The following STIM2 variants were observed in gnomAD, a reference collection of about 807,000 sequenced individuals.
STIM2 encodes the protein stromal interaction molecule 2.
Under a neutral mutation model 85.8 loss-of-function variants are expected in STIM2, and 31 were observed. The ratio of observed to expected loss-of-function variants is 0.36; its 90% confidence interval spans 0.27 to 0.49. STIM2 has a LOEUF of 0.49. STIM2 is among the 20% of genes least tolerant of loss of function. The pLI, the probability that STIM2 is intolerant of heterozygous loss-of-function variation, is 0.98. For missense variants in STIM2, 841 were observed against 927.6 expected, an observed-to-expected ratio of 0.91 and a Z score of 1.21; for synonymous variants, 356 against 331.1, an observed-to-expected ratio of 1.08 and a Z score of -0.82.
intron 2 of STIM2, among the ~76,000 whole-genome samples, chr4:26,945,555 A>G (rs139279318): frequency 1.1e-3 from 160 of 152,286 alleles, no homozygotes; most frequent in Non-Finnish European, 2.0e-3. Flanking sequence ...GAACTAATTT[A>G]CACTCCCACC....
intron 4 of STIM2, 54 bp downstream of exon 4, chr4:26,995,544 A>C: frequency 8.5e-7 from 1 of 1,170,156 alleles, no homozygotes; most frequent in Non-Finnish European, 1.2e-6. Context: ...TATATGCTAG[A>C]TGTCATTTCC....
chr4:26,997,354 T>C (rs1727994700), intron 4 of STIM2, among the ~76,000 whole-genome samples: 1 of 152,188 alleles, frequency 6.6e-6, no homozygotes, highest in Non-Finnish European at 1.5e-5. Flanking sequence ...GCCAAAACTA[T>C]GTTTTATGTT....
At chr4:26,888,543 C>A (rs1464473379) in intron 1 of STIM2, among the ~76,000 whole-genome samples, 1 of 152,184 alleles carries the variant, frequency 6.6e-6, no homozygotes, top group Non-Finnish European at 1.5e-5. Flanking sequence ...TGGCTGGTCA[C>A]ATGGTCGTAG....
At chr4:26,910,832 G>T (rs1724306970) in intron 1 of STIM2, among the ~76,000 whole-genome samples, 1 of 152,192 alleles carries the variant, frequency 6.6e-6, no homozygotes, top group African/African-American at 2.4e-5. Flanking sequence ...GTGTGGTGGG[G>T]TACAGGTGGG....
chr4:26,929,263 G>A (rs1725111033), intron 2 of STIM2, among the ~76,000 whole-genome samples: 1 of 152,114 alleles, frequency 6.6e-6, no homozygotes, highest in South Asian at 2.1e-4. Flanking sequence ...ATTTCTATTA[G>A]CACTGATCTA....
chr4:26,958,943 C>T (rs900436711), intron 3 of STIM2, among the ~76,000 whole-genome samples: 1 of 152,076 alleles, frequency 6.6e-6, no homozygotes, highest in Non-Finnish European at 1.5e-5. Context: ...TTGGAACCCA[C>T]TTGACTGTGT....
intron 11 of STIM2, among the ~76,000 whole-genome samples, chr4:27,022,269 T>C (rs1387611790): frequency 6.6e-6 from 1 of 152,222 alleles, no homozygotes; most frequent in Non-Finnish European, 1.5e-5. Context: ...AAAGGAGGTG[T>C]ACCTTATATT....
chr4:27,013,010 A>G (rs933721316), intron 10 of STIM2, among the ~76,000 whole-genome samples: 1 of 152,008 alleles, frequency 6.6e-6, no homozygotes, highest in African/African-American at 2.4e-5. Flanking sequence ...AATTTTTAGA[A>G]TGAGTTGCGT....
chr4:27,019,441 TG>T, intron 11 of STIM2: 1 of 1,289,826 alleles, frequency 7.8e-7, no homozygotes, highest in Admixed American at 2.3e-5. Flanking sequence ...CTGACAGAAC[TG>T]GTCTTGTGTG....
chr4:26,866,807 T>G (rs555714101), intron 1 of STIM2, among the ~76,000 whole-genome samples: 4 of 152,002 alleles, frequency 2.6e-5, no homozygotes, highest in East Asian at 1.9e-4. Flanking sequence ...ATTTGAGAGA[T>G]ATAAAACTAT....
chr4:26,939,873 G>C (rs989493178), intron 2 of STIM2, among the ~76,000 whole-genome samples: 3 of 152,158 alleles, frequency 2.0e-5, no homozygotes, highest in Admixed American at 6.6e-5. Context: ...GGCCCCATGA[G>C]TTAACTGTCT....
chr4:26,873,749 G>A, intron 1 of STIM2: 1 of 886,046 alleles, frequency 1.1e-6, no homozygotes, highest in South Asian at 1.3e-5. Flanking sequence ...ACAGGCTCTA[G>A]GTCACTGTCA....
At chr4:26,989,758 A>T (rs1727698878) in intron 3 of STIM2, among the ~76,000 whole-genome samples, 1 of 151,352 alleles carries the variant, frequency 6.6e-6, no homozygotes, top group Non-Finnish European at 1.5e-5. Flanking sequence ...AAATGAATTT[A>T]GTAAAGTTAC....
intron 2 of STIM2, among the ~76,000 whole-genome samples, chr4:26,934,121 G>T (rs866617691): frequency 3.9e-4 from 59 of 152,112 alleles, no homozygotes; most frequent in African/African-American, 1.4e-3. Flanking sequence ...TTGAACCCAG[G>T]AGGCGGAGTT....
At chr4:27,010,133 T>C (rs1728511369) in intron 10 of STIM2, among the ~76,000 whole-genome samples, 1 of 152,176 alleles carries the variant, frequency 6.6e-6, no homozygotes, top group Admixed American at 6.5e-5. Context: ...GTACAAGAGT[T>C]GATTTTAAAT....
At chr4:26,980,465 A>G (rs1005210659) in intron 3 of STIM2, among the ~76,000 whole-genome samples, 1 of 145,362 alleles carries the variant, frequency 6.9e-6, no homozygotes, top group Admixed American at 6.9e-5. Flanking sequence ...AGGAGCCTGG[A>G]AAAAAAAAAA....
chr4:27,017,299 G>A (rs1417721860), intron 10 of STIM2, among the ~76,000 whole-genome samples: 1 of 152,178 alleles, frequency 6.6e-6, no homozygotes, highest in Non-Finnish European at 1.5e-5. Flanking sequence ...TGAGTTCAAA[G>A]AACTTGTGAT....
chr4:27,020,439 C>T (rs1728871527), intron 11 of STIM2, among the ~76,000 whole-genome samples: 1 of 152,188 alleles, frequency 6.6e-6, no homozygotes, highest in African/African-American at 2.4e-5. Context: ...TCTGTTAGCA[C>T]TACCCATTAT....
chr4:27,020,515 G>T (rs768955240), intron 11 of STIM2, among the ~76,000 whole-genome samples: 1 of 152,196 alleles, frequency 6.6e-6, no homozygotes, highest in East Asian at 1.9e-4. Flanking sequence ...CCATTAGGTC[G>T]TTATTTAGGG....
Sources: gnomAD v4.1 joint callset for allele counts (sites outside exome capture counted in the v4.1 genomes callset) on GRCh38, gnomAD v4.1.1 for gene constraint, MANE v1.5 for transcripts, NCBI Gene and HGNC (gene_info 2026-07-23, HGNC 2026-07-21) for gene names.